Variants in CAST observed in about 807,000 individuals in gnomAD.
CAST encodes the protein calpastatin.
In CAST, 76 loss-of-function variants were observed where a neutral mutation model predicts 119.6. The ratio of observed to expected loss-of-function variants is 0.64; its 90% CI spans 0.53 to 0.77. CAST has a LOEUF of 0.77. Ranked by LOEUF, CAST falls within the 30% of genes least tolerant of loss-of-function variation. The pLI, the probability that CAST is intolerant of heterozygous loss-of-function variation, is 0.00. For missense variants in CAST, 953 were observed against 946.5 expected (o/e 1.01, Z -0.09); for synonymous variants, 319 against 331.6 (o/e 0.96, Z 0.41).
chr5:96,057,978 T>C, the CAST span, among the ~76,000 whole-genome samples: 5 of 152,124 alleles, frequency 3.3e-5, no homozygotes, highest in Admixed American at 6.6e-5. Context: ...AGCAGTGGGG[T>C]GCCTTATTTT....
In CAST at chr5:96,750,597, C is replaced by G. The variant is rs763115602; in HGVS notation, c.1439C>G (p.Ala480Gly). Reference sequence around the variant, plus strand: ...TGTGTCTTTCCTCAGGAATCTAAGGCCGCTGCTCCAGCTCCTGTGTCGGAG... The same window carrying G: ...TGTGTCTTTCCTCAGGAATCTAAGGGCGCTGCTCCAGCTCCTGTGTCGGAG... ...KPTEKTEESK[A>G]AAPAPVSEAV... Residue 480 changes from alanine to glycine, a missense_variant, in exon 20 of 32, where the codon GCC becomes GGC. Physicochemically the swap from Ala to Gly is moderately conservative, Grantham distance 60 (BLOSUM62 0). Transcript: ENST00000675179. The G allele has an allele frequency of 6.1e-5, 99 of 1,611,354 alleles. No homozygotes were observed. The highest frequency in any genetic ancestry group is 8.2e-5 in the Non-Finnish European group (97 of 1,177,974).
chr5:96,721,961 C>T (rs1293343047), intron 3 of CAST, among the ~76,000 whole-genome samples: 6 of 152,192 alleles, frequency 3.9e-5, no homozygotes, highest in African/African-American at 1.2e-4. Context: ...CCTCTGTAAC[C>T]TTGTCTCCAC....
the CAST span, among the ~76,000 whole-genome samples, chr5:96,137,142 G>T: frequency 2.0e-5 from 3 of 152,106 alleles, no homozygotes; most frequent in African/African-American, 4.8e-5. Context: ...GTAATACAGA[G>T]GATAGTTTCA....
At chr5:96,399,096 G>T in the CAST span, 2 of 1,201,346 alleles carry the variant, frequency 1.7e-6, no homozygotes, top group Non-Finnish European at 2.4e-6. Flanking sequence ...TGCATTTTAT[G>T]CATATCTGCA....
At chr5:96,600,994 G>A (rs1027230091) in intron 1 of CAST, among the ~76,000 whole-genome samples, 1 of 151,908 alleles carries the variant, frequency 6.6e-6, no homozygotes, top group African/African-American at 2.4e-5. Flanking sequence ...CTTTTCTTCT[G>A]GTTTACGAAC....
At chr5:96,585,877 A>G (rs1746851527) in intron 1 of CAST, among the ~76,000 whole-genome samples, 3 of 152,230 alleles carry the variant, frequency 2.0e-5, no homozygotes. Context: ...CAAGGATTGT[A>G]TTATTAACAA....
the CAST span, among the ~76,000 whole-genome samples, chr5:96,323,574 T>A: frequency 6.6e-6 from 1 of 152,318 alleles, no homozygotes; most frequent in African/African-American, 2.4e-5. Flanking sequence ...ATTCCTTCCA[T>A]ATTTTTCTTT....
the CAST span, among the ~76,000 whole-genome samples, chr5:96,257,359 A>T: frequency 6.6e-6 from 1 of 152,340 alleles, no homozygotes; most frequent in East Asian, 1.9e-4. Flanking sequence ...TACAAATAAT[A>T]TGCAGGAATC....
the CAST span, among the ~76,000 whole-genome samples, chr5:96,170,006 G>T: frequency 6.6e-6 from 1 of 152,150 alleles, no homozygotes; most frequent in African/African-American, 2.4e-5. Flanking sequence ...AAGGAACAAG[G>T]CCCTTGAAAA....
the CAST span, among the ~76,000 whole-genome samples, chr5:96,076,755 T>C: frequency 5.3e-5 from 8 of 152,080 alleles, no homozygotes; most frequent in African/African-American, 1.9e-4. Flanking sequence ...TTGAAATTGG[T>C]TGTATTTTGT....
At chr5:96,106,529 G>A in the CAST span, among the ~76,000 whole-genome samples, 8 of 150,978 alleles carry the variant, frequency 5.3e-5, no homozygotes, top group African/African-American at 9.7e-5. Context: ...GTAGTTGAGC[G>A]GTTTTGAGTG....
chr5:96,154,027 A>G, the CAST span, among the ~76,000 whole-genome samples: 2 of 152,186 alleles, frequency 1.3e-5, no homozygotes, highest in African/African-American at 4.8e-5. Context: ...GTGGTGGCTC[A>G]TGCCTGTAAT....
At chr5:96,770,722 A>G (rs1362792930) in intron 30 of CAST, 120 bp downstream of exon 30, 5 of 671,324 alleles carry the variant, frequency 7.4e-6, no homozygotes, top group South Asian at 1.7e-5. Flanking sequence ...TTAAAGTACT[A>G]TCTATCCCAT....
At chr5:96,062,659 TC>T in the CAST span, among the ~76,000 whole-genome samples, 2 of 151,900 alleles carry the variant, frequency 1.3e-5, no homozygotes, top group African/African-American at 4.9e-5. Context: ...GGGGTCACCA[TC>T]CTGGCAGGGA....
At chr5:96,069,373 G>GTCTA in the CAST span, among the ~76,000 whole-genome samples, 1 of 110,512 alleles carries the variant, frequency 9.0e-6, no homozygotes, top group African/African-American at 3.3e-5. Flanking sequence ...GTGTGTGTGT[G>GTCTA]TGTGTGTGTC....
At chr5:96,440,899 C>T in the CAST span, among the ~76,000 whole-genome samples, 3 of 152,154 alleles carry the variant, frequency 2.0e-5, no homozygotes, top group African/African-American at 7.2e-5. Context: ...TGTGCCCAAA[C>T]TCTAGATGAA....
intron 1 of CAST, among the ~76,000 whole-genome samples, chr5:96,640,673 C>A (rs1747938946): frequency 6.6e-6 from 1 of 152,160 alleles, no homozygotes; most frequent in Admixed American, 6.5e-5. Flanking sequence ...CTCAGACAAC[C>A]CTGCGGGGAG....
chr5:96,438,000 A>T, the CAST span, among the ~76,000 whole-genome samples: 6 of 152,174 alleles, frequency 3.9e-5, no homozygotes, highest in African/African-American at 1.4e-4. Flanking sequence ...AATCTCTTTT[A>T]TACATGATAG....
the CAST span, among the ~76,000 whole-genome samples, chr5:96,089,169 A>G: frequency 1.3e-5 from 2 of 150,696 alleles, no homozygotes; most frequent in Non-Finnish European, 1.5e-5. Flanking sequence ...TTAAAGGAGT[A>G]GGTGAACACA....
Sources: gnomAD v4.1 joint callset for allele counts (sites outside exome capture counted in the v4.1 genomes callset) on GRCh38, gnomAD v4.1.1 for gene constraint, MANE v1.5 for transcripts, NCBI Gene and HGNC (gene_info 2026-07-23, HGNC 2026-07-21) for gene names.